The following BNC2 variants were observed in gnomAD, a reference collection of about 807,000 sequenced individuals.
The protein encoded by BNC2 is zinc finger protein basonuclin-2.
In BNC2, 20 loss-of-function variants were observed where a neutral mutation model predicts 76.3. The observed-to-expected ratio is 0.26, with a 90% confidence interval of 0.18 to 0.38. The LOEUF is 0.38. BNC2 is among the 10% of genes least tolerant of loss of function. The pLI is 1.00. For synonymous variants in BNC2, 582 were observed against 514.8 expected, an observed-to-expected ratio of 1.13 and a Z score of -1.77; for missense variants, 1,382 against 1,399.8, an observed-to-expected ratio of 0.99 and a Z score of 0.20.
chr9:16,477,849 T>G lies in BNC2; in HGVS notation c.670-40325A>C, dbSNP rs1347554996. ...AGGGAAACTTCCTTTGGCTCCTACT[T>G]TAGAAGCAACTCATAGAACAAAGGG... On this transcript the variant is annotated intron_variant, in intron 5 of 6. Transcript: ENST00000380672. 5.9e-5 allele frequency among the ~76,000 whole-genome samples: 9 copies of G among 152,262 alleles called. No individual in the cohort carries two copies. The East Asian group carries it at 1.4e-3, about 23-fold the overall frequency.
chr9:16,811,478 G>A (rs1818051315), intron 1 of BNC2, among the ~76,000 whole-genome samples: 1 of 146,772 alleles, frequency 6.8e-6, no homozygotes, highest in Non-Finnish European at 1.5e-5. Context: ...CTTGAACCAG[G>A]GAGACGGAGG....
At chr9:16,604,930 G>A (rs1327816208) in intron 3 of BNC2, among the ~76,000 whole-genome samples, 1 of 152,158 alleles carries the variant, frequency 6.6e-6, no homozygotes, top group Non-Finnish European at 1.5e-5. Flanking sequence ...GTCTGTTTTT[G>A]TGTGTTTGTT....
At chr9:16,499,301 A>G (rs1008053605) in intron 5 of BNC2, among the ~76,000 whole-genome samples, 1 of 152,144 alleles carries the variant, frequency 6.6e-6, no homozygotes, top group Non-Finnish European at 1.5e-5. Context: ...TGTGGAGGTT[A>G]CTGCTTACTT....
At chr9:16,845,728 A>G (rs10810645) in intron 1 of BNC2, among the ~76,000 whole-genome samples, 68,539 of 152,040 alleles carry the variant, frequency 0.45, 18,569 homozygotes, top group Non-Finnish European at 0.61. Flanking sequence ...CTCAAAATAA[A>G]ATAAAAATAA....
chr9:16,682,684 C>G (rs1371301804), intron 3 of BNC2, among the ~76,000 whole-genome samples: 1 of 152,144 alleles, frequency 6.6e-6, no homozygotes, highest in Admixed American at 6.5e-5. Flanking sequence ...TAAAACATCA[C>G]AGCAAATTGT....
At chr9:16,548,387 T>C (rs1818553849) in intron 5 of BNC2, among the ~76,000 whole-genome samples, 1 of 149,978 alleles carries the variant, frequency 6.7e-6, no homozygotes, top group Non-Finnish European at 1.5e-5. Flanking sequence ...CTAAGAATTC[T>C]TCTTCTTCTT....
At chr9:16,494,337 G>A (rs1822340320) in intron 5 of BNC2, among the ~76,000 whole-genome samples, 1 of 152,092 alleles carries the variant, frequency 6.6e-6, no homozygotes, top group African/African-American at 2.4e-5. Flanking sequence ...ATTTTTAGTA[G>A]AGATGGGGTT....
intron 3 of BNC2, among the ~76,000 whole-genome samples, chr9:16,603,480 C>A (rs1820298030): frequency 1.3e-5 from 2 of 152,128 alleles, no homozygotes; most frequent in Non-Finnish European, 2.9e-5. Context: ...CACCAAAAGT[C>A]ACAAATTTTT....
intron 1 of BNC2, among the ~76,000 whole-genome samples, chr9:16,765,782 A>ATTTC (rs1563932915): frequency 7.4e-6 from 1 of 134,808 alleles, no homozygotes; most frequent in African/African-American, 2.7e-5. Context: ...CACTCTCGTA[A>ATTTC]TTTTTTTTTT....
At chr9:16,526,780 G>A (rs1817817330) in intron 5 of BNC2, among the ~76,000 whole-genome samples, 1 of 152,040 alleles carries the variant, frequency 6.6e-6, no homozygotes, top group Non-Finnish European at 1.5e-5. Context: ...TAAATTTATT[G>A]AGATTCTATG....
At chr9:16,663,421 C>T (rs1014765438) in intron 3 of BNC2, among the ~76,000 whole-genome samples, 1 of 152,056 alleles carries the variant, frequency 6.6e-6, no homozygotes, top group Non-Finnish European at 1.5e-5. Flanking sequence ...AGCTACCATG[C>T]CTGGCCCACT....
At chr9:16,454,651 T>C (rs998629398) in intron 5 of BNC2, among the ~76,000 whole-genome samples, 7 of 152,176 alleles carry the variant, frequency 4.6e-5, no homozygotes, top group African/African-American at 1.7e-4. Context: ...TGTTGAAAAC[T>C]AACCACTTGT....
intron 6 of BNC2, among the ~76,000 whole-genome samples, chr9:16,434,617 C>A (rs184532859): frequency 6.6e-6 from 1 of 152,276 alleles, no homozygotes; most frequent in East Asian, 1.9e-4. Context: ...AGGATAACCG[C>A]ACTATCCTGC....
chr9:16,555,943 A>G (rs1818816882), intron 4 of BNC2, among the ~76,000 whole-genome samples: 1 of 152,204 alleles, frequency 6.6e-6, no homozygotes, highest in Non-Finnish European at 1.5e-5. Flanking sequence ...CTCTGTTGTT[A>G]TAGCAAGAAA....
chr9:16,492,221 T>C (rs761881183), intron 5 of BNC2, among the ~76,000 whole-genome samples: 3 of 152,078 alleles, frequency 2.0e-5, no homozygotes, highest in African/African-American at 7.2e-5. Flanking sequence ...TATTGGAGGA[T>C]TGGATGATTC....
At chr9:16,545,003 C>A (rs1818436137) in intron 5 of BNC2, among the ~76,000 whole-genome samples, 1 of 152,134 alleles carries the variant, frequency 6.6e-6, no homozygotes, top group Non-Finnish European at 1.5e-5. Context: ...TCTCTGCTGG[C>A]TAACAGAGCT....
intron 1 of BNC2, among the ~76,000 whole-genome samples, chr9:16,820,577 C>A (rs942770067): frequency 6.6e-6 from 1 of 152,124 alleles, no homozygotes; most frequent in Non-Finnish European, 1.5e-5. Flanking sequence ...TCATTAAAAG[C>A]CACCAGGAAA....
At chr9:16,679,055 TG>T (rs1822745502) in intron 3 of BNC2, among the ~76,000 whole-genome samples, 1 of 152,184 alleles carries the variant, frequency 6.6e-6, no homozygotes, top group East Asian at 1.9e-4. Context: ...AGAGAGAAAC[TG>T]TCCTCCAAGC....
chr9:16,807,975 T>G (rs1179179647), intron 1 of BNC2, among the ~76,000 whole-genome samples: 4 of 152,298 alleles, frequency 2.6e-5, no homozygotes, highest in African/African-American at 9.6e-5. Context: ...GACAAGATAA[T>G]TAACTTTCTG....
Sources: gnomAD v4.1 joint callset for allele counts (sites outside exome capture counted in the v4.1 genomes callset) on GRCh38, gnomAD v4.1.1 for gene constraint, MANE v1.5 for transcripts, NCBI Gene and HGNC (gene_info 2026-07-23, HGNC 2026-07-21) for gene names.